The following RALGPS1 variants were observed in gnomAD, a reference collection of about 807,000 sequenced individuals.
RALGPS1 encodes the protein ras-specific guanine nucleotide-releasing factor RalGPS1.
In RALGPS1, 19 loss-of-function variants were observed where a neutral mutation model predicts 78.8. The observed-to-expected ratio is 0.24, with a 90% CI of 0.17 to 0.35. The LOEUF (loss-of-function observed/expected upper bound fraction) is 0.35, where lower values mean the gene tolerates loss of function less well. Among genes scored for constraint, RALGPS1 ranks in the 10% least tolerant of loss-of-function variants. The pLI is 1.00. For synonymous variants in RALGPS1, 228 were observed against 256.3 expected, an observed-to-expected ratio of 0.89 and a Z score of 1.06; for missense variants, 454 against 688.3, an observed-to-expected ratio of 0.66 and a Z score of 3.81.
chr9:127,013,781 C>T (rs1047336204), intron 4 of RALGPS1, among the ~76,000 whole-genome samples: 2 of 152,176 alleles, frequency 1.3e-5, no homozygotes, highest in Non-Finnish European at 2.9e-5. Context: ...CAACCCTCTT[C>T]TGGCCTCCCG....
intron 8 of RALGPS1, among the ~76,000 whole-genome samples, chr9:127,093,419 G>T (rs2136478296): frequency 6.6e-6 from 1 of 152,220 alleles, no homozygotes; most frequent in East Asian, 1.9e-4. Context: ...CCTCACCCCT[G>T]GGCCCCCATA....
chr9:127,052,113 A>G (rs1008845481), intron 6 of RALGPS1, among the ~76,000 whole-genome samples: 1 of 152,228 alleles, frequency 6.6e-6, no homozygotes, highest in Admixed American at 6.5e-5. Context: ...AGGACACACA[A>G]GTAGTGGGAG....
At chr9:127,073,107 T>C (rs952852842) in intron 8 of RALGPS1, among the ~76,000 whole-genome samples, 3 of 152,222 alleles carry the variant, frequency 2.0e-5, no homozygotes, top group African/African-American at 7.2e-5. Context: ...TCCTCTCTTT[T>C]AGCTACTTCA....
chr9:127,174,409 T>A (rs1287774611), intron 10 of RALGPS1, among the ~76,000 whole-genome samples: 1 of 152,210 alleles, frequency 6.6e-6, no homozygotes, highest in Non-Finnish European at 1.5e-5. Flanking sequence ...TCCTATGAAT[T>A]TGGGGAAGCT....
At chr9:127,069,527 G>C in intron 8 of RALGPS1, 171 bp downstream of exon 8, 1 of 665,324 alleles carries the variant, frequency 1.5e-6, no homozygotes, top group Non-Finnish European at 2.5e-6. Flanking sequence ...CCCAAGGTTG[G>C]AAACCTGGAT....
At chr9:127,155,898 C>G (rs1564681229) in intron 8 of RALGPS1, among the ~76,000 whole-genome samples, 1 of 148,208 alleles carries the variant, frequency 6.7e-6, no homozygotes, top group Non-Finnish European at 1.5e-5. Context: ...AAATATCTTG[C>G]TTTTTTTTTT....
intron 13 of RALGPS1, among the ~76,000 whole-genome samples, chr9:127,197,155 G>T (rs1292963189): frequency 6.6e-6 from 1 of 152,218 alleles, no homozygotes. Flanking sequence ...TCAGCCAGAC[G>T]TGGTGCTTAT....
intron 8 of RALGPS1, chr9:127,093,726 G>A: frequency 6.2e-7 from 1 of 1,613,792 alleles, no homozygotes; most frequent in South Asian, 1.1e-5. Context: ...CCCCTGCCGA[G>A]TCTCACCTTG....
intron 14 of RALGPS1, among the ~76,000 whole-genome samples, chr9:127,199,776 C>T (rs576602496): frequency 1.3e-5 from 2 of 152,314 alleles, no homozygotes; most frequent in African/African-American, 2.4e-5. Context: ...ACAGCCATGG[C>T]ACCACCAGGG....
chr9:127,212,392 C>G lies in RALGPS1; in HGVS notation c.1353+156C>G, dbSNP rs1314023986. Among the ~76,000 whole-genome samples the G allele has an allele frequency of 1.3e-5, 2 of 152,168 alleles. No homozygotes were observed. Among genetic ancestry groups the G allele is most frequent in the African/African-American group, 4.8e-5 (2 of 41,430 alleles). The stretch of plus-strand genomic sequence containing the variant: ...GAACTCTCAGGAATTATACCTGACA[C>G]TGCCGTAAAATGAACAAAGGGAAGG... On this transcript the variant is annotated intron_variant, in intron 15 of 18. Coordinates refer to ENST00000259351, the MANE Select transcript of RALGPS1 (RefSeq NM_014636.3). The surrounding 1 kb of genome is among the most constrained non-coding windows in gnomAD (Gnocchi z 6.0).
chr9:127,068,831 T>G (rs988625796), intron 7 of RALGPS1, among the ~76,000 whole-genome samples: 1 of 152,186 alleles, frequency 6.6e-6, no homozygotes, highest in Admixed American at 6.5e-5. Context: ...TTTAGTTACA[T>G]GCAAATCAAG....
In RALGPS1 at chr9:127,222,884, G is replaced by T. The variant is rs1049832199; in HGVS notation, c.*4115G>T. 1 of 152,542 alleles carries T rather than the reference G, an allele frequency of 6.6e-6. No homozygotes were observed. The highest frequency in any genetic ancestry group is 6.5e-5 in the Admixed American group (1 of 15,276). The allele number at this position is 152,542 out of a possible 1,614,324, so 9.4% of individuals were successfully genotyped here. A position where few individuals can be genotyped will look rare whatever the true frequency, so the allele number is the denominator to read the frequency against. Reference sequence around the variant, plus strand: ...TAATTCGTTTCCTGTTAAATCTGTTGCACTCTCCTGGGCTGTCTTTTTCTC... The same window carrying T: ...TAATTCGTTTCCTGTTAAATCTGTTTCACTCTCCTGGGCTGTCTTTTTCTC... On this transcript the variant is annotated 3_prime_UTR_variant, in exon 19 of 19. Transcript: ENST00000259351.
chr9:127,210,952 G>C (rs978997205), intron 14 of RALGPS1, among the ~76,000 whole-genome samples: 16 of 152,358 alleles, frequency 1.1e-4, no homozygotes, highest in African/African-American at 3.6e-4. Context: ...CTCAGGAAGA[G>C]GAGGGGGAGC....
chr9:126,958,126 T>TAAAAAAAAAAAAAAAAA (rs11290290), intron 1 of RALGPS1, among the ~76,000 whole-genome samples: 1 of 77,560 alleles, frequency 1.3e-5, no homozygotes, highest in East Asian at 4.3e-4. Context: ...GCTGTCTCTT[T>TAAAAAAAAAAAAAAAAA]AAAAAAAAAA....
At position 127,021,453 on chromosome 9, in the gene RALGPS1, G is replaced by A. The variant is rs1247097408; in HGVS notation, c.217-12978G>A. On this transcript the variant is annotated intron_variant, in intron 4 of 18. Coordinates refer to ENST00000259351, the MANE Select transcript of RALGPS1 (RefSeq NM_014636.3). The stretch of plus-strand genomic sequence containing the variant: ...GAGGTGGAGGTTGTGAGCTGAGATC[G>A]CACCATTGCACTCCAGCCTGGGCAA... Among the ~76,000 whole-genome samples the A allele has an allele frequency of 3.4e-5, 5 of 147,740 alleles. No individual in the cohort carries two copies. The Admixed American group carries it at 3.4e-4, about 10-fold the overall frequency.
At chr9:127,029,546 C>A (rs943695286) in intron 4 of RALGPS1, among the ~76,000 whole-genome samples, 2 of 152,166 alleles carry the variant, frequency 1.3e-5, no homozygotes, top group Non-Finnish European at 2.9e-5. Flanking sequence ...TTGGCTGGTG[C>A]CAGCCTGGCA....
intron 7 of RALGPS1, among the ~76,000 whole-genome samples, chr9:127,055,334 T>C (rs372410583): frequency 6.6e-6 from 1 of 152,156 alleles, no homozygotes; most frequent in East Asian, 1.9e-4. Context: ...TCCTCCCACC[T>C]CAGCCTCCTG....
At chr9:126,954,503 A>C (rs2038163087) in intron 1 of RALGPS1, among the ~76,000 whole-genome samples, 1 of 152,218 alleles carries the variant, frequency 6.6e-6, no homozygotes, top group Admixed American at 6.5e-5. Flanking sequence ...ACTCTCTAGC[A>C]CAGCCAGGCA....
At chr9:127,204,646 T>C (rs1481500489) in intron 14 of RALGPS1, among the ~76,000 whole-genome samples, 3 of 152,114 alleles carry the variant, frequency 2.0e-5, no homozygotes, top group Non-Finnish European at 4.4e-5. Flanking sequence ...TGCAGACAGT[T>C]GCCCCTCAGA....
Sources: allele counts gnomAD v4.1 joint callset (sites outside exome capture counted in the v4.1 genomes callset), GRCh38; gene constraint gnomAD v4.1.1; non-coding constraint Gnocchi (gnomAD v3.1); transcripts MANE v1.5; gene names NCBI Gene and HGNC (gene_info 2026-07-23, HGNC 2026-07-21).